The following GABRG3 variants were observed in gnomAD, a reference collection of about 807,000 sequenced individuals.
The protein encoded by GABRG3 is gamma-aminobutyric acid receptor subunit gamma-3.
A neutral mutation model predicts 48.8 loss-of-function variants in GABRG3; 25 were observed. That is an observed-to-expected ratio of 0.51 (90% confidence interval 0.37 to 0.72). The LOEUF (loss-of-function observed/expected upper bound fraction) is 0.72, where lower values mean the gene tolerates loss of function less well. GABRG3 is among the 30% of genes least tolerant of loss of function. The pLI is 0.00. For missense variants in GABRG3, 394 were observed against 577.9 expected (o/e 0.68, Z 3.26); for synonymous variants, 227 against 217.6 (o/e 1.04, Z -0.38).
chr15:27,277,225 G>T (rs971654232), intron 3 of GABRG3, among the ~76,000 whole-genome samples: 3 of 152,184 alleles, frequency 2.0e-5, no homozygotes, highest in African/African-American at 7.2e-5. Flanking sequence ...ATCCAGAAAG[G>T]CAGTTCTTTG....
chr15:27,145,567 C>G (rs912432260), intron 3 of GABRG3, among the ~76,000 whole-genome samples: 1 of 114,002 alleles, frequency 8.8e-6, no homozygotes, highest in African/African-American at 2.9e-5. Context: ...CTATTACTCT[C>G]TATTTACTCT....
chr15:27,409,238 A>G (rs1887727223), intron 5 of GABRG3, among the ~76,000 whole-genome samples: 1 of 152,150 alleles, frequency 6.6e-6, no homozygotes, highest in African/African-American at 2.4e-5. Context: ...TTATAGTTTT[A>G]TATTTAAATC....
chr15:26,985,060 C>G (rs1196053133), intron 2 of GABRG3, among the ~76,000 whole-genome samples: 1 of 152,236 alleles, frequency 6.6e-6, no homozygotes, highest in Non-Finnish European at 1.5e-5. Flanking sequence ...TCAGTTGAAA[C>G]TTCTGCTAAA....
At chr15:27,373,820 C>T (rs940411131) in intron 5 of GABRG3, among the ~76,000 whole-genome samples, 3 of 152,040 alleles carry the variant, frequency 2.0e-5, no homozygotes, top group Admixed American at 2.0e-4. Flanking sequence ...CATGAAAACA[C>T]CAATAAAGGA....
chr15:27,314,171 A>G (rs188910000), intron 3 of GABRG3, among the ~76,000 whole-genome samples: 1 of 152,294 alleles, frequency 6.6e-6, no homozygotes, highest in East Asian at 1.9e-4. Context: ...GAAATGATCA[A>G]CAGAGTGAAA....
intron 5 of GABRG3, among the ~76,000 whole-genome samples, chr15:27,473,300 A>G (rs1889840169): frequency 6.6e-6 from 1 of 152,148 alleles, no homozygotes; most frequent in Non-Finnish European, 1.5e-5. Context: ...TATAGGACCC[A>G]AATTGATTTG....
chr15:27,531,583 G>T (rs1009125988), intron 9 of GABRG3, among the ~76,000 whole-genome samples: 32 of 152,190 alleles, frequency 2.1e-4, no homozygotes, highest in Non-Finnish European at 3.8e-4. Flanking sequence ...CTCCATGGCT[G>T]CCATTGGCAT....
chr15:27,123,748 G>C (rs1897771237), intron 3 of GABRG3, among the ~76,000 whole-genome samples: 2 of 152,136 alleles, frequency 1.3e-5, no homozygotes, highest in Admixed American at 6.5e-5. Context: ...CAAACGCTTG[G>C]TGCTGAGTGG....
intron 3 of GABRG3, among the ~76,000 whole-genome samples, chr15:27,165,330 T>C (rs1887338232): frequency 1.3e-5 from 2 of 152,208 alleles, no homozygotes; most frequent in Admixed American, 1.3e-4. Flanking sequence ...GCCCAGGCGC[T>C]GATCCCCACC....
At chr15:27,438,293 TCTTAATAGCTTAGCTA>T (rs1381202413) in intron 5 of GABRG3, among the ~76,000 whole-genome samples, 7 of 152,248 alleles carry the variant, frequency 4.6e-5, no homozygotes. Flanking sequence ...TTTAGAATTT[TCTTAATAGCTTAGCTA>T]AATTTAAAGC....
At chr15:27,347,049 T>C in intron 5 of GABRG3, among the ~76,000 whole-genome samples, 1 of 152,148 alleles carries the variant, frequency 6.6e-6, no homozygotes, top group East Asian at 1.9e-4. Context: ...GTGAGGTAAA[T>C]AGTCCATTAG....
chr15:27,026,515 A>G lies in GABRG3; in HGVS notation c.203-239A>G, dbSNP rs553017077. Among the ~76,000 whole-genome samples the G allele has an allele frequency of 1.6e-4, 24 of 152,274 alleles. No individual in the cohort carries two copies. In the South Asian group the frequency reaches 4.6e-3, roughly 29 times the overall value. ...GCAAATTGCAGTGTATAAATATTCT[A>G]TTTTCCTAGATAGAACTGAAAAGAT... is the stretch of plus-strand genomic sequence containing the variant. On this transcript the variant is annotated intron_variant, in intron 2 of 9. Coordinates refer to ENST00000615808, the MANE Select transcript of GABRG3 (RefSeq NM_033223.5).
chr15:27,369,631 C>G (rs1309096424), intron 5 of GABRG3, among the ~76,000 whole-genome samples: 1 of 152,016 alleles, frequency 6.6e-6, no homozygotes, highest in African/African-American at 2.4e-5. Context: ...TCCTGGCTGA[C>G]ACTGTCTCTA....
chr15:27,213,802 T>G (rs962871408), intron 3 of GABRG3, among the ~76,000 whole-genome samples: 12 of 152,236 alleles, frequency 7.9e-5, no homozygotes, highest in Admixed American at 2.6e-4. Context: ...TGTACTGGCC[T>G]TCAAACTCCA....
intron 6 of GABRG3, chr15:27,480,994 T>A (rs78093206): frequency 0.051 from 70,297 of 1,377,026 alleles, 3,958 homozygotes; most frequent in African/African-American, 0.28. Context: ...TATTTTTGAA[T>A]CCAGGCTGTG....
intron 5 of GABRG3, among the ~76,000 whole-genome samples, chr15:27,464,275 C>T (rs948632593): frequency 1.3e-5 from 2 of 152,158 alleles, no homozygotes; most frequent in Non-Finnish European, 2.9e-5. Flanking sequence ...TATCCCCTTC[C>T]TCCCAGTCCC....
intron 2 of GABRG3, among the ~76,000 whole-genome samples, chr15:27,005,643 G>T (rs1566906937): frequency 1.3e-5 from 2 of 152,034 alleles, no homozygotes; most frequent in Non-Finnish European, 2.9e-5. Flanking sequence ...TTGAGACAGG[G>T]GCTTGCTCTG....
intron 5 of GABRG3, among the ~76,000 whole-genome samples, chr15:27,343,429 G>A (rs1249843288): frequency 2.0e-5 from 3 of 152,234 alleles, no homozygotes; most frequent in Non-Finnish European, 2.9e-5. Flanking sequence ...GTCTGTCAAT[G>A]TATTTTGGTT....
intron 3 of GABRG3, among the ~76,000 whole-genome samples, chr15:27,116,442 A>G (rs1161929630): frequency 1.3e-5 from 2 of 152,204 alleles, no homozygotes; most frequent in African/African-American, 4.8e-5. Flanking sequence ...CAAAAACACT[A>G]GAAACATCCA....
Sources: gnomAD v4.1 joint callset for allele counts (sites outside exome capture counted in the v4.1 genomes callset) on GRCh38, gnomAD v4.1.1 for gene constraint, MANE v1.5 for transcripts, NCBI Gene and HGNC (gene_info 2026-07-23, HGNC 2026-07-21) for gene names.